Variants in CCDC60 observed in about 807,000 individuals in gnomAD.
CCDC60 encodes coiled-coil domain-containing protein 60.
A neutral mutation model predicts 63.5 loss-of-function variants in CCDC60; 54 were observed. The observed-to-expected ratio is 0.85, with a 90% confidence interval of 0.68 to 1.07. The LOEUF is 1.07. Ranked by LOEUF, CCDC60 falls within the 50% of genes least tolerant of loss-of-function variation. The pLI is 0.00. For synonymous variants in CCDC60, 206 were observed against 238.8 expected, an observed-to-expected ratio of 0.86 and a Z score of 1.27; for missense variants, 651 against 684.3, an observed-to-expected ratio of 0.95 and a Z score of 0.54.
chr12:119,504,917 T>C, intron 6 of CCDC60, 152 bp from the exon 7 acceptor site: 1 of 598,526 alleles, frequency 1.7e-6, no homozygotes, highest in Non-Finnish European at 3.0e-6. Context: ...TATCTCATGG[T>C]GTTTGGAAAG....
intron 7 of CCDC60, among the ~76,000 whole-genome samples, chr12:119,506,775 G>T (rs1399056933): frequency 6.6e-6 from 1 of 152,094 alleles, no homozygotes; most frequent in African/African-American, 2.4e-5. Flanking sequence ...ATCTCTACTA[G>T]ATAGAATCAT....
In CCDC60 at chr12:119,472,089, T is replaced by C; in HGVS notation, c.266T>C (p.Leu89Pro). The change falls in exon 3 of 14, where the codon CTG becomes CCG. Residue 89 changes from leucine to proline, a missense_variant. Transcript: ENST00000327554. ...KKKKQQQLQK[L>P]KEEERNKFQP... ...AAGAAGCAACAACAACTTCAGAAAC[T>C]GAAAGAGGAGGAAAGAAATAAATTC... 6.2e-7 allele frequency: 1 copy of C among 1,614,048 alleles called. No individual in the cohort carries two copies. The highest frequency in any genetic ancestry group is 8.5e-7 in the Non-Finnish European group (1 of 1,179,974).
intron 1 of CCDC60, among the ~76,000 whole-genome samples, chr12:119,373,424 A>G (rs1259310329): frequency 6.6e-6 from 1 of 152,062 alleles, no homozygotes; most frequent in Admixed American, 6.6e-5. Context: ...TCATTTGCAA[A>G]TAGGGGTTTT....
intron 2 of CCDC60, among the ~76,000 whole-genome samples, chr12:119,453,338 T>C (rs1485934447): frequency 6.6e-6 from 1 of 152,152 alleles, no homozygotes. Context: ...TTTTCTTTAA[T>C]GAAGATCTGA....
At chr12:119,516,173 T>C (rs1418643522) in intron 7 of CCDC60, among the ~76,000 whole-genome samples, 2 of 152,158 alleles carry the variant, frequency 1.3e-5, no homozygotes, top group Non-Finnish European at 2.9e-5. Context: ...TGGCATGATC[T>C]CGGCTCGCTG....
rs1186259989 is a variant in CCDC60 at position 119,524,458 on chromosome 12, T to C, written c.1229+640T>C. ...CATCTATACAACAAAGTTTGCATCA[T>C]AGCCCGTTGCACTCTCATTTTCACA... On this transcript the variant is annotated intron_variant, in intron 11 of 13. Transcript: ENST00000327554. 2.4e-5 allele frequency: 24 copies of C among 984,886 alleles called. No individual in the cohort carries two copies. In the Admixed American group the frequency reaches 1.2e-3, roughly 48 times the overall value. 61.0% of individuals were successfully genotyped at this position (984,886 alleles called of 1,614,324 possible). A position where few individuals can be genotyped will look rare whatever the true frequency, so the allele number is the denominator to read the frequency against.
At position 119,381,464 on chromosome 12, in the gene CCDC60, A is replaced by C. The variant is rs182522613; in HGVS notation, c.90+46198A>C. 8.9e-4 allele frequency among the ~76,000 whole-genome samples: 135 copies of C among 152,260 alleles called. 2 individuals are homozygous for C. The highest frequency in any genetic ancestry group is 1.7e-3 in the Non-Finnish European group (115 of 68,026). ...GTTGCCAAGCAAACGTGGCAGGATA[A>C]TTTGTTTCTGTGCCTTAAATCTCTG... On this transcript the variant is annotated intron_variant, in intron 1 of 13. Coordinates refer to ENST00000327554, the MANE Select transcript of CCDC60 (RefSeq NM_178499.5).
chr12:119,487,540 G>A (rs931020747), intron 4 of CCDC60, among the ~76,000 whole-genome samples: 10 of 151,858 alleles, frequency 6.6e-5, no homozygotes, highest in Non-Finnish European at 1.5e-4. Context: ...CTAGTAATCC[G>A]CCTGCCTCAG....
At chr12:119,416,559 A>G (rs1042967597) in intron 1 of CCDC60, among the ~76,000 whole-genome samples, 2 of 152,182 alleles carry the variant, frequency 1.3e-5, no homozygotes, top group African/African-American at 4.8e-5. Flanking sequence ...CTTACACAGA[A>G]AAATTGGAAT....
chr12:119,497,785 A>G (rs866035280), intron 5 of CCDC60, among the ~76,000 whole-genome samples: 1 of 152,062 alleles, frequency 6.6e-6, no homozygotes, highest in East Asian at 1.9e-4. Flanking sequence ...CAGTGGGTGA[A>G]CCTTAAATCA....
At chr12:119,422,171 C>T (rs1380021835) in intron 1 of CCDC60, among the ~76,000 whole-genome samples, 1 of 152,160 alleles carries the variant, frequency 6.6e-6, no homozygotes, top group Non-Finnish European at 1.5e-5. Context: ...GGAGTCATCA[C>T]CGGTGCTCTG....
rs372000358 is a variant in CCDC60 at position 119,429,077 on chromosome 12, C to T, written c.170+315C>T. ...CCTTCCCTTTTTTACTCCAGACACA[C>T]GTGATGATACCGTGGAGTCAGAGTC... On this transcript the variant is annotated intron_variant, in intron 2 of 13. Coordinates refer to ENST00000327554, the MANE Select transcript of CCDC60 (RefSeq NM_178499.5). Among the ~76,000 whole-genome samples, 39 of 152,266 alleles carry T rather than the reference C, an allele frequency of 2.6e-4. No individual in the cohort carries two copies. The East Asian group carries it at 4.1e-3, about 16-fold the overall frequency.
intron 7 of CCDC60, among the ~76,000 whole-genome samples, chr12:119,507,601 TATATA>T (rs1952076698): frequency 7.2e-5 from 2 of 27,956 alleles, no homozygotes; most frequent in East Asian, 1.8e-3. Flanking sequence ...CATATATATA[TATATA>T]TATATATATT....
At chr12:119,345,507 T>C (rs930631181) in intron 1 of CCDC60, among the ~76,000 whole-genome samples, 2 of 150,160 alleles carry the variant, frequency 1.3e-5, no homozygotes, top group African/African-American at 4.9e-5. Context: ...ATCTCAAAAA[T>C]AAATAAATAA....
chr12:119,426,077 A>T (rs1043967423), intron 1 of CCDC60, among the ~76,000 whole-genome samples: 4 of 152,186 alleles, frequency 2.6e-5, no homozygotes, highest in African/African-American at 9.6e-5. Flanking sequence ...GCCTCATCAG[A>T]GGGTGGTCTC....
intron 1 of CCDC60, among the ~76,000 whole-genome samples, chr12:119,390,296 A>G (rs1268394747): frequency 3.3e-5 from 5 of 152,164 alleles, no homozygotes; most frequent in African/African-American, 1.2e-4. Context: ...TCCTCCCTGC[A>G]GGTGCTCCCT....
intron 1 of CCDC60, among the ~76,000 whole-genome samples, chr12:119,336,462 GA>G (rs1053088396): frequency 6.6e-5 from 10 of 152,216 alleles, no homozygotes; most frequent in African/African-American, 1.7e-4. Flanking sequence ...TAGAACATCA[GA>G]AAAAAATTAA....
At chr12:119,513,514 A>T (rs1271828634) in intron 7 of CCDC60, among the ~76,000 whole-genome samples, 1 of 152,192 alleles carries the variant, frequency 6.6e-6, no homozygotes, top group African/African-American at 2.4e-5. Context: ...GTGTCATCAC[A>T]TAGCCACCTT....
At chr12:119,426,685 G>T (rs1200522847) in intron 1 of CCDC60, among the ~76,000 whole-genome samples, 1 of 152,136 alleles carries the variant, frequency 6.6e-6, no homozygotes, top group Non-Finnish European at 1.5e-5. Context: ...GCAAGTAATA[G>T]CTGCAGTTAC....
Sources: allele counts gnomAD v4.1 joint callset (sites outside exome capture counted in the v4.1 genomes callset), GRCh38; gene constraint gnomAD v4.1.1; transcripts MANE v1.5; gene names NCBI Gene and HGNC (gene_info 2026-07-23, HGNC 2026-07-21).